Variants in PCDHA6 observed in about 807,000 individuals in gnomAD.
PCDHA6 encodes protocadherin alpha 6.
A neutral mutation model predicts 60.3 loss-of-function variants in PCDHA6; 55 were observed. The ratio of observed to expected loss-of-function variants is 0.91; its 90% CI spans 0.73 to 1.14. The LOEUF is 1.14. Among genes scored for constraint, PCDHA6 ranks in the 50% most tolerant of loss-of-function variants. The pLI is 0.00. For missense variants in PCDHA6, 1,327 were observed against 1,256.5 expected, an observed-to-expected ratio of 1.06 and a Z score of -0.85; for synonymous variants, 652 against 557.9, an observed-to-expected ratio of 1.17 and a Z score of -2.38.
rs1292162881 is a variant in PCDHA6, at chr5:140,830,633, C to A, written c.2394+148C>A. 3 of 514,128 alleles carry A rather than the reference C, an allele frequency of 5.8e-6. No homozygotes were observed. The Admixed American group carries it at 1.2e-4, about 21-fold the overall frequency. The allele number at this position is 514,128 out of a possible 1,614,324, so 31.8% of individuals were successfully genotyped here. On this transcript the variant is annotated intron_variant, in intron 1 of 3. Transcript: ENST00000529310. ...ATTTTATTGTGTTTCTTATTTTAAT[C>A]TCTTTGCTTCTTTAATATTCATAAT...
At chr5:140,892,363 G>T (rs1485881453) in intron 1 of PCDHA6, among the ~76,000 whole-genome samples, 1 of 152,120 alleles carries the variant, frequency 6.6e-6, no homozygotes, top group African/African-American at 2.4e-5. Context: ...CAGGCATCTT[G>T]GGGCACTAGC....
At chr5:140,934,590 G>T (rs1305372783) in intron 1 of PCDHA6, among the ~76,000 whole-genome samples, 4 of 151,886 alleles carry the variant, frequency 2.6e-5, no homozygotes, top group Admixed American at 2.6e-4. Context: ...TCTGTAATGG[G>T]TCTTCAACTA....
intron 2 of PCDHA6, among the ~76,000 whole-genome samples, chr5:140,979,418 T>A (rs895579689): frequency 3.3e-5 from 5 of 152,178 alleles, no homozygotes; most frequent in South Asian, 2.1e-4. Flanking sequence ...GTTTTTTTTT[T>A]AATCTCACAT....
intron 3 of PCDHA6, among the ~76,000 whole-genome samples, chr5:140,987,107 G>A (rs936936352): frequency 6.6e-6 from 1 of 151,876 alleles, no homozygotes; most frequent in Non-Finnish European, 1.5e-5. Flanking sequence ...CCAGCTACTC[G>A]GGAGGCTGAG....
intron 1 of PCDHA6, chr5:140,841,338 G>C (rs2150313822): frequency 1.2e-6 from 2 of 1,611,372 alleles, no homozygotes; most frequent in South Asian, 1.1e-5. Flanking sequence ...TATCACTGGC[G>C]AGGAGAGCTG....
At chr5:140,836,327 G>C in intron 1 of PCDHA6, 1 of 1,613,772 alleles carries the variant, frequency 6.2e-7, no homozygotes, top group Non-Finnish European at 8.5e-7. Flanking sequence ...ACCGCCTTCT[G>C]GTGCTTGTGA....
Position 140,871,393 on chromosome 5 carries a change from C to G in PCDHA6, c.2394+40908C>G, listed in dbSNP as rs782354799. The G allele has an allele frequency of 6.2e-6, 10 of 1,614,130 alleles. No individual in the cohort carries two copies. The East Asian group carries it at 2.2e-4, about 36-fold the overall frequency. ...GAGGGTGTGCTCTGAGGAGGGCCCA[C>G]CTAAGACGGACCTCATGGCCTTCAG... On this transcript the variant is annotated intron_variant, in intron 1 of 3. Transcript: ENST00000529310.
At chr5:140,884,267 T>C in intron 1 of PCDHA6, 3 of 1,613,566 alleles carry the variant, frequency 1.9e-6, no homozygotes, top group South Asian at 1.1e-5. Context: ...AACGGTGCTG[T>C]TGTCGCTGGT....
chr5:140,986,236 T>C (rs1213371307), intron 3 of PCDHA6, among the ~76,000 whole-genome samples: 1 of 152,170 alleles, frequency 6.6e-6, no homozygotes. Flanking sequence ...CCCCTCTGTG[T>C]GAGCAGACCC....
At chr5:140,932,471 A>G (rs1056932090) in intron 1 of PCDHA6, among the ~76,000 whole-genome samples, 11 of 152,050 alleles carry the variant, frequency 7.2e-5, no homozygotes, top group African/African-American at 1.7e-4. Flanking sequence ...TATAGGAAAT[A>G]GGATATCTCC....
chr5:140,831,690 G>A (rs191076937), intron 1 of PCDHA6, among the ~76,000 whole-genome samples: 1 of 152,120 alleles, frequency 6.6e-6, no homozygotes, highest in Non-Finnish European at 1.5e-5. Context: ...ATGAAAAGCA[G>A]CAAAAAGTAG....
At chr5:140,841,417 C>A (rs1242106171) in intron 1 of PCDHA6, 5 of 1,612,932 alleles carry the variant, frequency 3.1e-6, no homozygotes, top group Non-Finnish European at 4.2e-6. Flanking sequence ...GCCAGCTCCA[C>A]TACTCCGTCC....
At chr5:140,871,653 C>A in intron 1 of PCDHA6, 1 of 1,244,246 alleles carries the variant, frequency 8.0e-7, no homozygotes, top group Non-Finnish European at 1.1e-6. Context: ...CCAAATGATA[C>A]ACATCTTCAG....
intron 1 of PCDHA6, among the ~76,000 whole-genome samples, chr5:140,893,595 T>C (rs13187419): frequency 0.05 from 7,691 of 152,298 alleles, 276 homozygotes; most frequent in Non-Finnish European, 0.072. Context: ...GGAAATACTT[T>C]ATTTCTCCTT....
chr5:140,836,283 A>C, intron 1 of PCDHA6: 1 of 1,613,716 alleles, frequency 6.2e-7, no homozygotes, highest in Non-Finnish European at 8.5e-7. Context: ...GATCAGCACG[A>C]CACGAGCCCT....
intron 1 of PCDHA6, chr5:140,928,615 A>T: frequency 6.2e-7 from 1 of 1,614,276 alleles, no homozygotes. Flanking sequence ...CCGCTCTGCC[A>T]GGACTGGACA....
At chr5:140,875,399 C>T (rs62622796) in intron 1 of PCDHA6, 40,992 of 1,482,866 alleles carry the variant, frequency 0.028, 731 homozygotes, top group Non-Finnish European at 0.032. Flanking sequence ...AAAAGGGTGA[C>T]TGCTCATAAA....
chr5:140,844,739 T>G (rs1370806912), intron 1 of PCDHA6, among the ~76,000 whole-genome samples: 1 of 149,606 alleles, frequency 6.7e-6, no homozygotes, highest in Non-Finnish European at 1.5e-5. Context: ...ATATTTAGTA[T>G]TATGGGATAA....
At chr5:140,891,644 T>C (rs1554184907) in intron 1 of PCDHA6, among the ~76,000 whole-genome samples, 1 of 152,246 alleles carries the variant, frequency 6.6e-6, no homozygotes, top group Non-Finnish European at 1.5e-5. Context: ...TGGGCTTTAT[T>C]GTGGATAGTT....
Sources: gnomAD v4.1 joint callset for allele counts (sites outside exome capture counted in the v4.1 genomes callset) on GRCh38, gnomAD v4.1.1 for gene constraint, MANE v1.5 for transcripts, NCBI Gene and HGNC (gene_info 2026-07-23, HGNC 2026-07-21) for gene names.